REDIC1: variants seen among roughly 807,000 people sequenced by gnomAD.
The protein encoded by REDIC1 is HEI10 Interacting Protein 1.
At chr12:39,902,446 G>A in the REDIC1 span, among the ~76,000 whole-genome samples, 2 of 151,946 alleles carry the variant, frequency 1.3e-5, no homozygotes, top group African/African-American at 4.8e-5. Context: ...CTATCAGTGT[G>A]CAATGTTATT....
chr12:39,769,626 A>G, the REDIC1 span, among the ~76,000 whole-genome samples: 2 of 151,944 alleles, frequency 1.3e-5, no homozygotes, highest in African/African-American at 4.8e-5. Context: ...GTGTTCTTGC[A>G]TCTCATTCTC....
At chr12:39,814,924 A>G in the REDIC1 span, among the ~76,000 whole-genome samples, 1,161 of 152,210 alleles carry the variant, frequency 7.6e-3, 22 homozygotes, top group African/African-American at 0.027. Flanking sequence ...TGGAGCTGAG[A>G]TTTTTAAGTT....
the REDIC1 span, chr12:39,760,198 C>G: frequency 6.2e-7 from 1 of 1,612,670 alleles, no homozygotes; most frequent in South Asian, 1.1e-5. Flanking sequence ...AGGAAGACAG[C>G]CATAGATGAA....
chr12:39,687,244 C>T, the REDIC1 span, among the ~76,000 whole-genome samples: 9 of 152,106 alleles, frequency 5.9e-5, no homozygotes, highest in African/African-American at 1.7e-4. Context: ...ATCAAAATTC[C>T]GCTCCTGGCA....
At chr12:39,854,415 A>G in the REDIC1 span, among the ~76,000 whole-genome samples, 1 of 152,228 alleles carries the variant, frequency 6.6e-6, no homozygotes, top group African/African-American at 2.4e-5. Context: ...CCTGCTAGGT[A>G]TATTGGCTGG....
At chr12:39,723,618 G>C in the REDIC1 span, among the ~76,000 whole-genome samples, 2 of 151,762 alleles carry the variant, frequency 1.3e-5, no homozygotes, top group Admixed American at 6.6e-5. Context: ...TCCTAGCTAG[G>C]TTCTACCCAG....
At chr12:39,767,356 A>C in the REDIC1 span, among the ~76,000 whole-genome samples, 1 of 151,148 alleles carries the variant, frequency 6.6e-6, no homozygotes, top group Non-Finnish European at 1.5e-5. Flanking sequence ...AATATTCTCC[A>C]AACTATGCTG....
chr12:39,661,766 T>C, the REDIC1 span, among the ~76,000 whole-genome samples: 1 of 152,154 alleles, frequency 6.6e-6, no homozygotes, highest in Admixed American at 6.6e-5. Context: ...TATTTTCTTC[T>C]AATAGTTTTA....
the REDIC1 span, among the ~76,000 whole-genome samples, chr12:39,895,975 T>G: frequency 1.4e-5 from 2 of 144,780 alleles, no homozygotes; most frequent in Non-Finnish European, 3.0e-5. Flanking sequence ...CATGTGTATA[T>G]GTATACATAC....
the REDIC1 span, among the ~76,000 whole-genome samples, chr12:39,797,081 G>A: frequency 1.3e-5 from 2 of 152,094 alleles, no homozygotes; most frequent in African/African-American, 2.4e-5. Flanking sequence ...GTAGGCACCC[G>A]ATAATGGAAA....
the REDIC1 span, among the ~76,000 whole-genome samples, chr12:39,653,558 T>TTCTTCTTCTTCTTC: frequency 2.5e-3 from 108 of 43,846 alleles, 9 homozygotes; most frequent in Admixed American, 3.5e-3. Flanking sequence ...CTTCTTCTTC[T>TTCTTCTTCTTCTTC]TTCTTCTTCT....
chr12:39,708,590 T>A, the REDIC1 span, among the ~76,000 whole-genome samples: 1 of 151,874 alleles, frequency 6.6e-6, no homozygotes, highest in African/African-American at 2.4e-5. Flanking sequence ...GGAGTTTAAG[T>A]TGACTTAAGG....
At chr12:39,841,132 G>A in the REDIC1 span, among the ~76,000 whole-genome samples, 20 of 152,050 alleles carry the variant, frequency 1.3e-4, no homozygotes, top group African/African-American at 4.1e-4. Flanking sequence ...ACTGACTCCT[G>A]AGTTAGATGC....
At chr12:39,655,887 C>T in the REDIC1 span, among the ~76,000 whole-genome samples, 8 of 152,102 alleles carry the variant, frequency 5.3e-5, no homozygotes, top group African/African-American at 1.7e-4. Flanking sequence ...GTTGTTTTTG[C>T]ACATTTTGTC....
At chr12:39,858,750 G>A in the REDIC1 span, among the ~76,000 whole-genome samples, 3 of 152,064 alleles carry the variant, frequency 2.0e-5, no homozygotes, top group East Asian at 1.9e-4. Context: ...GGGATTATAG[G>A]AGCCTGCCAC....
At chr12:39,729,316 A>T in the REDIC1 span, among the ~76,000 whole-genome samples, 3 of 152,144 alleles carry the variant, frequency 2.0e-5, no homozygotes, top group Admixed American at 1.3e-4. Flanking sequence ...ATTTCCCTGT[A>T]ACCACTGCTT....
the REDIC1 span, among the ~76,000 whole-genome samples, chr12:39,905,232 G>A: frequency 6.3e-3 from 953 of 152,162 alleles, 7 homozygotes; most frequent in African/African-American, 0.022. Flanking sequence ...GCATTTTGGT[G>A]GCTAGAAAAT....
the REDIC1 span, among the ~76,000 whole-genome samples, chr12:39,699,243 G>C: frequency 6.6e-6 from 1 of 152,156 alleles, no homozygotes; most frequent in African/African-American, 2.4e-5. Flanking sequence ...GTGGGTGTGC[G>C]CACCATGCAT....
chr12:39,880,927 T>C, the REDIC1 span, among the ~76,000 whole-genome samples: 3 of 152,238 alleles, frequency 2.0e-5, no homozygotes, highest in African/African-American at 7.2e-5. Flanking sequence ...TTCTATAAAA[T>C]ACATGCCCAC....
Sources: gnomAD v4.1 joint callset for allele counts (sites outside exome capture counted in the v4.1 genomes callset) on GRCh38, gnomAD v4.1.1 for gene constraint, MANE v1.5 for transcripts, NCBI Gene and HGNC (gene_info 2026-07-23, HGNC 2026-07-21) for gene names.